The following PIWIL2 variants were observed in gnomAD, a reference collection of about 807,000 sequenced individuals.
PIWIL2 encodes the protein piwi-like protein 2.
PIWIL2 carries 81 observed loss-of-function variants against 116.5 expected under a neutral mutation model. The ratio of observed to expected loss-of-function variants is 0.70; its 90% CI spans 0.58 to 0.84. PIWIL2 has a LOEUF of 0.84. PIWIL2 is among the 40% of genes least tolerant of loss of function. The pLI, the probability that PIWIL2 is intolerant of heterozygous loss-of-function variation, is 0.00. For missense variants in PIWIL2, 1,272 were observed against 1,212.3 expected, an observed-to-expected ratio of 1.05 and a Z score of -0.73; for synonymous variants, 489 against 429.5, an observed-to-expected ratio of 1.14 and a Z score of -1.71.
chr8:22,351,479 A>G (rs1192066358), intron 20 of PIWIL2, among the ~76,000 whole-genome samples: 2 of 119,084 alleles, frequency 1.7e-5, no homozygotes, highest in East Asian at 5.8e-4. Flanking sequence ...ATATATATAT[A>G]TATAATTTAT....
intron 19 of PIWIL2, among the ~76,000 whole-genome samples, chr8:22,317,216 C>A (rs1831481229): frequency 6.6e-6 from 1 of 152,104 alleles, no homozygotes; most frequent in African/African-American, 2.4e-5. Context: ...ATTGTTTGTT[C>A]CAACTGTAAA....
At chr8:22,322,821 G>A (rs9792127) in intron 20 of PIWIL2, among the ~76,000 whole-genome samples, 64,291 of 152,012 alleles carry the variant, frequency 0.42, 15,686 homozygotes, top group East Asian at 0.82. Context: ...GATTACAGAC[G>A]TGAGCCACTG....
chr8:22,357,372 G>A lies in PIWIL2; in HGVS notation c.*1867G>A, dbSNP rs781656414. ...GCAGATCAGTTTTCTGATTTTCCTTGGAAGCGTTTTGAATTTTTCTGTTGA... is the reference window on the plus strand; with the variant it reads ...GCAGATCAGTTTTCTGATTTTCCTTAGAAGCGTTTTGAATTTTTCTGTTGA... On this transcript the variant is annotated 3_prime_UTR_variant, in exon 23 of 23. Transcript: ENST00000356766. The A allele has an allele frequency of 6.6e-6, 1 of 152,036 alleles. No individual in the cohort carries two copies. The highest frequency in any genetic ancestry group is 1.5e-5 in the Non-Finnish European group (1 of 68,012). 9.4% of individuals were successfully genotyped at this position (152,036 alleles called of 1,614,324 possible). A position where few individuals can be genotyped will look rare whatever the true frequency, so the allele number is the denominator to read the frequency against.
chr8:22,298,471 TG>T (rs1285458817), intron 10 of PIWIL2, among the ~76,000 whole-genome samples: 1 of 152,176 alleles, frequency 6.6e-6, no homozygotes, highest in African/African-American at 2.4e-5. Flanking sequence ...TTATAAATAT[TG>T]GGATTCAGCA....
chr8:22,281,606 C>G (rs1004600932), intron 4 of PIWIL2, 91 bp downstream of exon 4: 4 of 1,074,692 alleles, frequency 3.7e-6, no homozygotes, highest in Non-Finnish European at 5.2e-6. Context: ...GTTGTGTCAT[C>G]TCATAATCAA....
chr8:22,337,126 C>A (rs1339629157), intron 20 of PIWIL2, among the ~76,000 whole-genome samples: 1 of 152,098 alleles, frequency 6.6e-6, no homozygotes, highest in Non-Finnish European at 1.5e-5. Context: ...GAACACTTCC[C>A]TCCTTATACT....
chr8:22,289,995 T>C, intron 9 of PIWIL2, 68 bp downstream of exon 9: 1 of 980,130 alleles, frequency 1.0e-6, no homozygotes, highest in Non-Finnish European at 1.6e-6. Context: ...ACAACCATTG[T>C]ATTTAGTACT....
At chr8:22,349,051 CTTTTTTTTTT>C (rs35385064) in intron 20 of PIWIL2, among the ~76,000 whole-genome samples, 1 of 136,810 alleles carries the variant, frequency 7.3e-6, no homozygotes, top group Admixed American at 7.6e-5. Context: ...TTTCTTTTTT[CTTTTTTTTTT>C]TTTTTGAGAT....
Position 22,288,621 on chromosome 8 carries a change from C to T in PIWIL2, c.941C>T (p.Pro314Leu). 6.2e-7 allele frequency: 1 copy of T among 1,613,520 alleles called. No homozygotes were observed. Among genetic ancestry groups the T allele is most frequent in the Admixed American group, 1.7e-5 (1 of 60,004 alleles). Residue 314 changes from proline (P) to leucine (L), a missense_variant, in exon 8 of 23, where the codon CCC becomes CTC. Pro to Leu is a moderately conservative substitution (Grantham distance 98). Coordinates refer to ENST00000356766, the MANE Select transcript of PIWIL2 (RefSeq NM_018068.5). Reference protein sequence around the residue: ...IKIQMTKILEPCSDLCIPFYN... With the variant: ...IKIQMTKILELCSDLCIPFYN... ...ATTCAGATGACAAAGATCCTGGAGCCCTGCTCTGACCTGTGCATTCCCTTC... is the reference window on the plus strand; with the variant it reads ...ATTCAGATGACAAAGATCCTGGAGCTCTGCTCTGACCTGTGCATTCCCTTC...
At chr8:22,321,689 GA>G in intron 20 of PIWIL2, among the ~76,000 whole-genome samples, 1 of 152,252 alleles carries the variant, frequency 6.6e-6, no homozygotes, top group Middle Eastern at 3.4e-3. Context: ...CCGGTTGACA[GA>G]GCCTGCCTCT....
At position 22,356,208 on chromosome 8, in the gene PIWIL2, A is replaced by C. The variant is rs1184374188; in HGVS notation, c.*703A>C. On this transcript the variant is annotated 3_prime_UTR_variant, in exon 23 of 23. Transcript: ENST00000356766. ...TTAAGTCATTGCAAGTTGCCTGAAG[A>C]GAATTACTCAGGCAACTGGGAAAGG... The C allele has an allele frequency of 1.3e-5, 2 of 152,206 alleles. No homozygotes were observed. The highest frequency in any genetic ancestry group is 4.8e-5 in the African/African-American group (2 of 41,446). 9.4% of individuals were successfully genotyped at this position (152,206 alleles called of 1,614,324 possible). A position where few individuals can be genotyped will look rare whatever the true frequency, so the allele number is the denominator to read the frequency against.
At chr8:22,353,279 T>C in intron 21 of PIWIL2, 67 bp downstream of exon 21, 1 of 1,406,284 alleles carries the variant, frequency 7.1e-7, no homozygotes, top group African/African-American at 1.4e-5. Flanking sequence ...TTCCTGAGTA[T>C]TGGAATGGGG....
At chr8:22,340,045 A>ATT (rs10626386) in intron 20 of PIWIL2, among the ~76,000 whole-genome samples, 2,893 of 93,692 alleles carry the variant, frequency 0.031, 139 homozygotes, top group African/African-American at 0.061. Flanking sequence ...TATAAAAAGA[A>ATT]TTTTTTTTTT....
rs1379557168 is a variant in PIWIL2 at position 22,330,986 on chromosome 8, C to T, written c.2403+12711C>T. On this transcript the variant is annotated intron_variant, in intron 20 of 22. Transcript: ENST00000356766. ...AGTCAGGAGTTCGAGACCAGCCTGGCCAACATGGTGAAACCCCGTCTCTAC... is the reference window on the plus strand; with the variant it reads ...AGTCAGGAGTTCGAGACCAGCCTGGTCAACATGGTGAAACCCCGTCTCTAC... Among the ~76,000 whole-genome samples, 159 of 151,954 alleles carry T rather than the reference C, an allele frequency of 1.0e-3. 2 individuals carry two copies. The highest frequency in any genetic ancestry group is 8.8e-5 in the Non-Finnish European group (6 of 67,982).
chr8:22,349,417 G>GTATATATA (rs1431825878), intron 20 of PIWIL2, among the ~76,000 whole-genome samples: 44 of 134,598 alleles, frequency 3.3e-4, no homozygotes, highest in East Asian at 1.6e-3. Context: ...ATATGTGTGT[G>GTATATATA]TGTATATATA....
At chr8:22,296,113 T>A (rs1004863045) in intron 10 of PIWIL2, among the ~76,000 whole-genome samples, 7 of 145,728 alleles carry the variant, frequency 4.8e-5, no homozygotes. Flanking sequence ...TAGAGTGCAG[T>A]GGTGCGATCT....
intron 20 of PIWIL2, among the ~76,000 whole-genome samples, chr8:22,321,239 T>C (rs1306766547): frequency 6.6e-6 from 1 of 151,794 alleles, no homozygotes; most frequent in Admixed American, 6.6e-5. Context: ...TCCTCCAGAG[T>C]AGCAGGGACT....
rs866446553 is a variant in PIWIL2 at position 22,279,361 on chromosome 8, C to T, written c.-26C>T. The T allele has an allele frequency of 3.0e-5, 47 of 1,573,446 alleles. No homozygotes were observed. Among genetic ancestry groups the T allele is most frequent in the South Asian group, 4.4e-5 (4 of 90,260 alleles). ...GGCAGGTAATTAACCAGAACAGGAT[C>T]GACACGTGTTCTCTACAGCCCGTCC... On this transcript the variant is annotated 5_prime_UTR_variant, in exon 2 of 23. Transcript: ENST00000356766.
At chr8:22,313,529 G>A (rs763480218) in intron 16 of PIWIL2, among the ~76,000 whole-genome samples, 12 of 152,188 alleles carry the variant, frequency 7.9e-5, no homozygotes, top group Non-Finnish European at 1.6e-4. Context: ...CTCCCAGTGC[G>A]CAGCTCTGTT....
Sources: allele counts gnomAD v4.1 joint callset (sites outside exome capture counted in the v4.1 genomes callset), GRCh38; gene constraint gnomAD v4.1.1; transcripts MANE v1.5; gene names NCBI Gene and HGNC (gene_info 2026-07-23, HGNC 2026-07-21).